The following KCNQ5 variants were observed in gnomAD, a reference collection of about 807,000 sequenced individuals.
KCNQ5 encodes the protein potassium voltage-gated channel subfamily KQT member 5.
A neutral mutation model predicts 98.2 loss-of-function variants in KCNQ5; 30 were observed. That is an observed-to-expected ratio of 0.31 (90% CI 0.23 to 0.41). The LOEUF is 0.41. Ranked by LOEUF, KCNQ5 falls within the 10% of genes least tolerant of loss-of-function variation. The pLI, the probability that KCNQ5 is intolerant of heterozygous loss-of-function variation, is 1.00. For synonymous variants in KCNQ5, 458 were observed against 449.4 expected, an observed-to-expected ratio of 1.02 and a Z score of -0.24; for missense variants, 835 against 1,182.5, an observed-to-expected ratio of 0.71 and a Z score of 4.31.
chr6:72,665,362 C>A (rs113475402), intron 1 of KCNQ5, among the ~76,000 whole-genome samples: 5,757 of 130,832 alleles, frequency 0.044, 130 homozygotes, highest in Middle Eastern at 0.16. Flanking sequence ...AAAAAAAAAT[C>A]TCAGTTTTAA....
intron 1 of KCNQ5, among the ~76,000 whole-genome samples, chr6:72,807,698 G>C (rs1775023244): frequency 6.6e-6 from 1 of 152,060 alleles, no homozygotes; most frequent in Admixed American, 6.6e-5. Flanking sequence ...ATATTTTGTA[G>C]AGACAGGGTC....
At chr6:73,071,307 T>C (rs913615508) in intron 3 of KCNQ5, among the ~76,000 whole-genome samples, 6 of 152,148 alleles carry the variant, frequency 3.9e-5, no homozygotes, top group African/African-American at 1.2e-4. Flanking sequence ...TTGATATCAA[T>C]CACAAATCAA....
chr6:73,123,488 G>C (rs1217716555), intron 8 of KCNQ5, among the ~76,000 whole-genome samples: 1 of 152,166 alleles, frequency 6.6e-6, no homozygotes, highest in Non-Finnish European at 1.5e-5. Flanking sequence ...AGAGAAATGG[G>C]AGGAGGGACA....
intron 1 of KCNQ5, among the ~76,000 whole-genome samples, chr6:72,984,646 C>T (rs1349005371): frequency 6.6e-6 from 1 of 152,160 alleles, no homozygotes; most frequent in African/African-American, 2.4e-5. Context: ...AAACGGAAAT[C>T]CCCCCACCCC....
chr6:73,111,198 G>C, intron 6 of KCNQ5, 110 bp from the exon 7 acceptor site: 1 of 729,896 alleles, frequency 1.4e-6, no homozygotes, highest in Non-Finnish European at 2.4e-6. Context: ...TTATGGACAG[G>C]TTACATACCG....
At chr6:72,714,576 T>C (rs1325309440) in intron 1 of KCNQ5, among the ~76,000 whole-genome samples, 3 of 152,226 alleles carry the variant, frequency 2.0e-5, no homozygotes, top group African/African-American at 7.2e-5. Context: ...CTTAATATTG[T>C]GTGGGTTACA....
chr6:73,099,509 G>A (rs183433654), intron 5 of KCNQ5, among the ~76,000 whole-genome samples: 2,381 of 152,166 alleles, frequency 0.016, 73 homozygotes, highest in African/African-American at 0.055. Flanking sequence ...AATGGAAACC[G>A]AAAAAGAGCA....
At chr6:72,940,648 G>A (rs1430802647) in intron 1 of KCNQ5, among the ~76,000 whole-genome samples, 1 of 152,196 alleles carries the variant, frequency 6.6e-6, no homozygotes, top group African/African-American at 2.4e-5. Flanking sequence ...AGACCGCTAA[G>A]ACAAATCACT....
chr6:73,169,898 G>C (rs1246738332), intron 11 of KCNQ5, 44 bp downstream of exon 11: 2 of 1,234,092 alleles, frequency 1.6e-6, no homozygotes, highest in Middle Eastern at 1.9e-4. Context: ...ACATACTTAT[G>C]ATTAATTGAA....
At chr6:72,884,232 T>C (rs1778764078) in intron 1 of KCNQ5, among the ~76,000 whole-genome samples, 1 of 152,200 alleles carries the variant, frequency 6.6e-6, no homozygotes, top group African/African-American at 2.4e-5. Flanking sequence ...ACCCAGAGCC[T>C]ACAAATCCTG....
At chr6:73,131,418 A>G (rs1161111791) in intron 9 of KCNQ5, among the ~76,000 whole-genome samples, 1 of 152,210 alleles carries the variant, frequency 6.6e-6, no homozygotes, top group Non-Finnish European at 1.5e-5. Flanking sequence ...CAGAAAAGGT[A>G]ATAGATAAAA....
intron 1 of KCNQ5, among the ~76,000 whole-genome samples, chr6:72,706,001 T>C (rs1415372441): frequency 6.6e-6 from 1 of 152,136 alleles, no homozygotes; most frequent in Non-Finnish European, 1.5e-5. Flanking sequence ...TTTGCATAAA[T>C]TGATTTTGCA....
At chr6:72,740,798 A>G (rs1771093474) in intron 1 of KCNQ5, among the ~76,000 whole-genome samples, 1 of 152,146 alleles carries the variant, frequency 6.6e-6, no homozygotes, top group Non-Finnish European at 1.5e-5. Context: ...GTAGATCCCT[A>G]AGGATTTCAG....
intron 1 of KCNQ5, among the ~76,000 whole-genome samples, chr6:72,662,743 G>A (rs1766593566): frequency 1.3e-5 from 2 of 151,970 alleles, no homozygotes; most frequent in African/African-American, 4.8e-5. Flanking sequence ...GCTTTGTTGT[G>A]TTACTGTTTT....
Position 72,622,640 on chromosome 6 carries a change from C to A in KCNQ5, c.398+53C>A. The A allele has an allele frequency of 6.9e-6, 11 of 1,591,742 alleles. No individual in the cohort carries two copies. Among genetic ancestry groups the A allele is most frequent in the Admixed American group, 1.7e-5 (1 of 57,184 alleles). On this transcript the variant is annotated intron_variant, in intron 1 of 13. Coordinates refer to ENST00000370398, the MANE Select transcript of KCNQ5 (RefSeq NM_019842.4). This position sits in a 1 kb window ranked among gnomAD's most constrained non-coding sequence, Gnocchi z 6.0. ...CGCTGCAGGGGACCACTGTCCCTGGCCCCCTGGGGCGTGCTCCGCGCTCGC... is the reference window on the plus strand; with the variant it reads ...CGCTGCAGGGGACCACTGTCCCTGGACCCCTGGGGCGTGCTCCGCGCTCGC...
chr6:72,827,100 C>G (rs946860254), intron 1 of KCNQ5, among the ~76,000 whole-genome samples: 5 of 152,050 alleles, frequency 3.3e-5, no homozygotes, highest in African/African-American at 1.2e-4. Flanking sequence ...GTATGTATGC[C>G]ACATTTTCTT....
intron 1 of KCNQ5, among the ~76,000 whole-genome samples, chr6:72,965,977 T>A (rs1306964741): frequency 6.6e-6 from 1 of 152,016 alleles, no homozygotes; most frequent in Non-Finnish European, 1.5e-5. Flanking sequence ...CCCAGGGAGG[T>A]TAAAGTGCCT....
intron 1 of KCNQ5, among the ~76,000 whole-genome samples, chr6:72,835,829 C>T (rs1470712177): frequency 1.3e-5 from 2 of 152,192 alleles, no homozygotes; most frequent in Non-Finnish European, 2.9e-5. Flanking sequence ...TAATTATTTA[C>T]TCCATTTTAC....
intron 1 of KCNQ5, among the ~76,000 whole-genome samples, chr6:72,829,882 T>C (rs1362330985): frequency 2.6e-5 from 4 of 152,258 alleles, no homozygotes; most frequent in South Asian, 2.1e-4. Context: ...TAATTCCAAA[T>C]GTGGGCTGAG....
Sources: gnomAD v4.1 joint callset for allele counts (sites outside exome capture counted in the v4.1 genomes callset) on GRCh38, gnomAD v4.1.1 for gene constraint, Gnocchi (gnomAD v3.1) non-coding constraint, MANE v1.5 for transcripts, NCBI Gene and HGNC (gene_info 2026-07-23, HGNC 2026-07-21) for gene names.